CD79B: variants seen among roughly 807,000 people sequenced by gnomAD.
CD79B encodes B-cell antigen receptor complex-associated protein beta chain.
In CD79B, 7 loss-of-function variants were observed where a neutral mutation model predicts 30.0. The observed-to-expected ratio is 0.23, with a 90% CI of 0.13 to 0.44. The LOEUF is 0.44. Ranked by LOEUF, CD79B falls within the 20% of genes least tolerant of loss-of-function variation. CD79B has a pLI of 1.00. For synonymous variants in CD79B, 118 were observed against 119.2 expected (o/e 0.99, Z 0.07); for missense variants, 218 against 299.1 (o/e 0.73, Z 2.00).
At chr17:63,929,390 T>C (rs745524609) in intron 5 of CD79B, 44 bp downstream of exon 5, 2 of 1,611,894 alleles carry the variant, frequency 1.2e-6, no homozygotes, top group Non-Finnish European at 1.7e-6. Context: ...TAGTGGCCAC[T>C]GACCCCGAGG....
rs561777259 is a variant in CD79B at position 63,930,505 on chromosome 17, G to A, written c.119-120C>T. The A allele has an allele frequency of 4.1e-3, 3,766 of 910,722 alleles. 16 individuals carry two copies. Among genetic ancestry groups the A allele is most frequent in the Non-Finnish European group, 5.9e-3 (3,397 of 577,924 alleles). 56.4% of individuals were successfully genotyped at this position (910,722 alleles called of 1,614,324 possible). ...CTGGGCTTAGTCCTTGCTTCTCAGGGTGTGGGACAGGCAGGAGGCTGAGGT... is the reference window on the plus strand; with the variant it reads ...CTGGGCTTAGTCCTTGCTTCTCAGGATGTGGGACAGGCAGGAGGCTGAGGT... On this transcript the variant is annotated intron_variant, in intron 2 of 5. Transcript: ENST00000006750.
intron 1 of CD79B, 31 bp from the exon 2 acceptor site, chr17:63,931,416 G>T (rs1425737597): frequency 3.7e-6 from 6 of 1,611,920 alleles, no homozygotes; most frequent in Admixed American, 1.7e-5. Flanking sequence ...GGCGGGGCCA[G>T]TCAGGGCCTC....
In CD79B at chr17:63,932,295, A is replaced by T; in HGVS notation, c.-34T>A. Reference sequence around the variant, plus strand: ...CTCTGTCCCCGACCCCAAACCCGTGACAACGTCCGAGGCTCCTTGGAGGAA... The same window carrying T: ...CTCTGTCCCCGACCCCAAACCCGTGTCAACGTCCGAGGCTCCTTGGAGGAA... On this transcript the variant is annotated 5_prime_UTR_variant, in exon 1 of 6. Coordinates refer to ENST00000006750, the MANE Select transcript of CD79B (RefSeq NM_000626.4). The T allele has an allele frequency of 6.2e-7, 1 of 1,601,344 alleles. No individual in the cohort carries two copies. The highest frequency in any genetic ancestry group is 8.5e-7 in the Non-Finnish European group (1 of 1,173,210).
In CD79B at chr17:63,930,141, G is replaced by A. The variant is rs1221118585; in HGVS notation, c.363C>T (p.Phe121=). The change falls in exon 3 of 6, where the codon TTC becomes TTT. Residue 121 remains phenylalanine, a synonymous_variant. Transcript: ENST00000006750. ...AGGTGTTGTTGCACTTCTGCTGACA[G>A]AAGTAGATGCCATTGTCCTCAAACC... ...GIRFEDNGIY[F]CQQKCNNTSE... The A allele has an allele frequency of 2.5e-5, 40 of 1,614,078 alleles. No individual in the cohort carries two copies. The highest frequency in any genetic ancestry group is 3.2e-5 in the Non-Finnish European group (38 of 1,180,020).
At chr17:63,929,371 A>G in intron 5 of CD79B, 47 bp from the exon 6 acceptor site, 2 of 1,609,656 alleles carry the variant, frequency 1.2e-6, no homozygotes, top group Non-Finnish European at 1.7e-6. Context: ...CCCCAACCAC[A>G]CCAGCAGATA....
At chr17:63,931,739 C>G (rs1908139075) in intron 1 of CD79B, among the ~76,000 whole-genome samples, 2 of 141,432 alleles carry the variant, frequency 1.4e-5, no homozygotes, top group African/African-American at 5.2e-5. Context: ...CACCCTGTCT[C>G]TCTTTTTTTT....
At position 63,929,268 on chromosome 17, in the gene CD79B, C is replaced by T. The variant is rs138535790; in HGVS notation, c.648G>A (p.Gly216=). Residue 216 remains glycine (G), a synonymous_variant, in exon 6 of 6, where the codon GGG becomes GGA. Transcript: ENST00000006750. ...TYEDIVTLRT[G]EVKWSVGEHP... ...GCTCACCTACAGACCACTTCACTTCCCCTGTCCGCAGCGTCACTATGTCCT... is the reference window on the plus strand; with the variant it reads ...GCTCACCTACAGACCACTTCACTTCTCCTGTCCGCAGCGTCACTATGTCCT... 9.3e-6 allele frequency: 15 copies of T among 1,614,046 alleles called. No homozygotes were observed. In the African/African-American group the frequency reaches 2.0e-4, roughly 22 times the overall value.
chr17:63,931,887 GC>G (rs1383987505), intron 1 of CD79B: 13 of 481,894 alleles, frequency 2.7e-5, no homozygotes, highest in Non-Finnish European at 4.6e-5. Context: ...CCCAGGCACC[GC>G]CCTCAGCCTC....
chr17:63,930,418 C>A (rs1405455181), intron 2 of CD79B, 33 bp from the exon 3 acceptor site: 4 of 1,600,794 alleles, frequency 2.5e-6, no homozygotes, highest in Admixed American at 1.7e-5. Flanking sequence ...CAGCATTCCG[C>A]TTGGCATCTT....
intron 2 of CD79B, chr17:63,930,978 C>T (rs936410172): frequency 5.3e-6 from 2 of 376,282 alleles, no homozygotes; most frequent in Non-Finnish European, 1.0e-5. Flanking sequence ...CCGGGAATCC[C>T]TGAGCCCCTC....
Position 63,930,248 on chromosome 17 carries a change from G to T in CD79B, c.256C>A (p.Pro86Thr), listed in dbSNP as rs1908041476. The change falls in exon 3 of 6, where the codon CCC becomes ACC. Residue 86 changes from proline to threonine, a missense_variant. Transcript: ENST00000006750. Reference protein sequence around the residue: ...WLWKQEMDENPQQLKLEKGRM... With the variant: ...WLWKQEMDENTQQLKLEKGRM... ...CCCTTTTCCAGCTTCAGCTGCTGGG[G>T]ATTCTCGTCCATCTCCTGCTTCCAG... The T allele has an allele frequency of 1.2e-6, 2 of 1,614,214 alleles. No homozygotes were observed. The highest frequency in any genetic ancestry group is 1.7e-6 in the Non-Finnish European group (2 of 1,180,040).
At position 63,931,318 on chromosome 17, in the gene CD79B, C is replaced by T; in HGVS notation, c.118+17G>A. 1 of 1,613,504 alleles carries T rather than the reference C, an allele frequency of 6.2e-7. No individual in the cohort carries two copies. Among genetic ancestry groups the T allele is most frequent in the Non-Finnish European group, 8.5e-7 (1 of 1,179,548 alleles). ...GCACACAACTTGCCCTCAGAAGCGG[C>T]AGGCGAGGCTACTGACCTTTGGGAT... On this transcript the variant is annotated intron_variant, in intron 2 of 5. Coordinates refer to ENST00000006750, the MANE Select transcript of CD79B (RefSeq NM_000626.4).
In CD79B at chr17:63,931,488, C is replaced by T. The variant is rs925159840; in HGVS notation, c.68-103G>A. 4.4e-6 allele frequency: 5 copies of T among 1,127,084 alleles called. No homozygotes were observed. In the South Asian group the frequency reaches 5.1e-5, roughly 11 times the overall value. The allele number at this position is 1,127,084 out of a possible 1,614,324, so 69.8% of individuals were successfully genotyped here. On this transcript the variant is annotated intron_variant, in intron 1 of 5. Transcript: ENST00000006750. ...ATGTTCCCGGAGCTACTTCCTCCTTCCATGACAGCAGCTTCAAGACCCCTC... is the reference window on the plus strand; with the variant it reads ...ATGTTCCCGGAGCTACTTCCTCCTTTCATGACAGCAGCTTCAAGACCCCTC...
At chr17:63,931,606 G>A (rs1402693476) in intron 1 of CD79B, among the ~76,000 whole-genome samples, 2 of 152,228 alleles carry the variant, frequency 1.3e-5, no homozygotes, top group Non-Finnish European at 2.9e-5. Context: ...TGACCCTCAT[G>A]GTGGCTTTGA....
intron 2 of CD79B, 167 bp from the exon 3 acceptor site, chr17:63,930,552 C>A: frequency 1.5e-6 from 1 of 667,016 alleles, no homozygotes. Context: ...AGCAGAGCCA[C>A]GTGAGAGGCT....
intron 2 of CD79B, 99 bp downstream of exon 2, chr17:63,931,236 G>C: frequency 8.4e-7 from 1 of 1,188,376 alleles, no homozygotes; most frequent in Non-Finnish European, 1.3e-6. Context: ...ATCAGGCAAG[G>C]GTGGGAAGGC....
Position 63,932,308 on chromosome 17 carries a change from C to T in CD79B, c.-47G>A, listed in dbSNP as rs1391061115. On this transcript the variant is annotated 5_prime_UTR_variant, in exon 1 of 6. Coordinates refer to ENST00000006750, the MANE Select transcript of CD79B (RefSeq NM_000626.4). Reference sequence around the variant, plus strand: ...CCCAAACCCGTGACAACGTCCGAGGCTCCTTGGAGGAAAACGTGTAACTGC... The same window carrying T: ...CCCAAACCCGTGACAACGTCCGAGGTTCCTTGGAGGAAAACGTGTAACTGC... 4.5e-6 allele frequency: 7 copies of T among 1,567,798 alleles called. No homozygotes were observed. The highest frequency in any genetic ancestry group is 6.1e-6 in the Non-Finnish European group (7 of 1,145,272).
Position 63,932,278 on chromosome 17 carries a change from C to G in CD79B, c.-17G>C. 1.2e-6 allele frequency: 2 copies of G among 1,610,748 alleles called. No homozygotes were observed. Among genetic ancestry groups the G allele is most frequent in the Non-Finnish European group, 1.7e-6 (2 of 1,179,616 alleles). On this transcript the variant is annotated 5_prime_UTR_variant, in exon 1 of 6. Coordinates refer to ENST00000006750, the MANE Select transcript of CD79B (RefSeq NM_000626.4). Reference sequence around the variant, plus strand: ...CCTGGCCATGGTCACCGCTCTGTCCCCGACCCCAAACCCGTGACAACGTCC... The same window carrying G: ...CCTGGCCATGGTCACCGCTCTGTCCGCGACCCCAAACCCGTGACAACGTCC...
At chr17:63,931,652 T>C (rs1169221124) in intron 1 of CD79B, among the ~76,000 whole-genome samples, 1 of 151,906 alleles carries the variant, frequency 6.6e-6, no homozygotes. Context: ...GACAGGGAAA[T>C]CTCAGTATTT....
Sources: gnomAD v4.1 joint callset for allele counts (sites outside exome capture counted in the v4.1 genomes callset) on GRCh38, gnomAD v4.1.1 for gene constraint, MANE v1.5 for transcripts, NCBI Gene and HGNC (gene_info 2026-07-23, HGNC 2026-07-21) for gene names.